Variants in SHANK2 observed in about 807,000 individuals in gnomAD.
SHANK2 encodes SH3 and multiple ankyrin repeat domains 2.
A neutral mutation model predicts 133.7 loss-of-function variants in SHANK2; 43 were observed. That is an observed-to-expected ratio of 0.32 (90% CI 0.25 to 0.41). The LOEUF is 0.41. Ranked by LOEUF, SHANK2 falls within the 10% of genes least tolerant of loss-of-function variation. The pLI is 1.00. For missense variants in SHANK2, 1,994 were observed against 2,235.8 expected, an observed-to-expected ratio of 0.89 and a Z score of 2.18; for synonymous variants, 1,017 against 952.8, an observed-to-expected ratio of 1.07 and a Z score of -1.24.
chr11:70,630,511 GTGTGACCTTCTTTGGAAGTAAGGT>G (rs2060970579), intron 17 of SHANK2, among the ~76,000 whole-genome samples: 2 of 152,228 alleles, frequency 1.3e-5, no homozygotes, highest in African/African-American at 4.8e-5. Flanking sequence ...GAACCTCAGA[GTGTGACCTTCTTTGGAAGTAAGGT>G]TGCTGGAGAT....
At chr11:70,870,303 C>G (rs1424735824) in intron 11 of SHANK2, among the ~76,000 whole-genome samples, 4 of 152,056 alleles carry the variant, frequency 2.6e-5, no homozygotes, top group Non-Finnish European at 4.4e-5. Flanking sequence ...GAGAGCCCAA[C>G]CAGTGGGGAG....
At chr11:71,065,127 G>A (rs893669612) in intron 9 of SHANK2, among the ~76,000 whole-genome samples, 4 of 152,174 alleles carry the variant, frequency 2.6e-5, no homozygotes, top group African/African-American at 7.2e-5. Flanking sequence ...CTGGGTTTGA[G>A]CAAGCAGGGG....
intron 4 of SHANK2, among the ~76,000 whole-genome samples, chr11:71,115,785 T>G (rs2135250901): frequency 6.6e-6 from 1 of 152,232 alleles, no homozygotes; most frequent in Admixed American, 6.5e-5. Flanking sequence ...TTCCTGCCGT[T>G]ATGGAAATGA....
intron 17 of SHANK2, among the ~76,000 whole-genome samples, chr11:70,598,235 G>A (rs532032998): frequency 6.6e-6 from 1 of 152,192 alleles, no homozygotes; most frequent in Admixed American, 6.5e-5. Flanking sequence ...TGACCTCAGG[G>A]CCACACAAGT....
intron 10 of SHANK2, among the ~76,000 whole-genome samples, chr11:70,947,646 G>A (rs1247545854): frequency 6.6e-6 from 1 of 152,162 alleles, no homozygotes; most frequent in Non-Finnish European, 1.5e-5. Flanking sequence ...GATTATAGGT[G>A]TGAGCCACTG....
chr11:70,473,534 A>G lies in SHANK2; in HGVS notation c.4980-95T>C, dbSNP rs2058624785. On this transcript the variant is annotated intron_variant, in intron 25 of 25. Transcript: ENST00000601538. The surrounding 1 kb of genome is among the most constrained non-coding windows in gnomAD (Gnocchi z 5.9). Reference sequence around the variant, plus strand: ...CCCAGGAAGGCGAGGGAGACGCCCAAACCATGCCAGAGTGTCTAGTGGCAG... The same window carrying G: ...CCCAGGAAGGCGAGGGAGACGCCCAGACCATGCCAGAGTGTCTAGTGGCAG... 1 of 1,244,260 alleles carries G rather than the reference A, an allele frequency of 8.0e-7. No individual in the cohort carries two copies. The highest frequency in any genetic ancestry group is 1.5e-5 in the African/African-American group (1 of 67,700). The allele number at this position is 1,244,260 out of a possible 1,614,324, so 77.1% of individuals were successfully genotyped here.
intron 3 of SHANK2, among the ~76,000 whole-genome samples, chr11:71,128,875 C>G (rs1952239263): frequency 6.6e-6 from 1 of 152,200 alleles, no homozygotes; most frequent in Non-Finnish European, 1.5e-5. Flanking sequence ...ACCTCCACCT[C>G]CTGGGTTCAA....
At chr11:71,143,779 G>A (rs1952597600) in intron 3 of SHANK2, among the ~76,000 whole-genome samples, 1 of 151,886 alleles carries the variant, frequency 6.6e-6, no homozygotes, top group South Asian at 2.1e-4. Flanking sequence ...CATACATAAA[G>A]TAAGATTCCG....
chr11:70,809,411 C>A (rs1555052739), intron 12 of SHANK2, among the ~76,000 whole-genome samples: 1 of 152,236 alleles, frequency 6.6e-6, no homozygotes, highest in Non-Finnish European at 1.5e-5. Flanking sequence ...TGACTACCCT[C>A]TTTTGGCATT....
chr11:70,718,628 G>A (rs1221352557), intron 14 of SHANK2, among the ~76,000 whole-genome samples: 4 of 151,972 alleles, frequency 2.6e-5, no homozygotes, highest in Non-Finnish European at 4.4e-5. Flanking sequence ...CAATCGGTAC[G>A]TCCCGTGAGA....
Position 70,671,394 on chromosome 11 carries a change from G to A in SHANK2, c.1854-9716C>T, listed in dbSNP as rs566452399. On this transcript the variant is annotated intron_variant, in intron 15 of 25. Coordinates refer to ENST00000601538, the MANE Select transcript of SHANK2 (RefSeq NM_012309.5). ...GCCAAGTTCCTCAACCTCGTCGAGC[G>A]CCAGTATCCTCACTTGACGACTACA... 1.2e-4 allele frequency among the ~76,000 whole-genome samples: 18 copies of A among 152,252 alleles called. No individual in the cohort carries two copies. In the South Asian group the frequency reaches 1.9e-3, roughly 16 times the overall value.
chr11:71,163,706 G>A (rs1274490422), intron 2 of SHANK2, among the ~76,000 whole-genome samples: 1 of 152,158 alleles, frequency 6.6e-6, no homozygotes, highest in East Asian at 1.9e-4. Context: ...GTTTGCTTGT[G>A]CAAAAAGGAG....
chr11:70,609,441 C>T (rs1247903056), intron 17 of SHANK2, among the ~76,000 whole-genome samples: 1 of 152,074 alleles, frequency 6.6e-6, no homozygotes, highest in Non-Finnish European at 1.5e-5. Flanking sequence ...AGTTAAACAC[C>T]CAACCACCAT....
rs2058826682 is a variant in SHANK2, at chr11:70,487,422, G to A, written c.2871C>T (p.Asp957=). 2 of 1,614,014 alleles carry A rather than the reference G, an allele frequency of 1.2e-6. No homozygotes were observed. The highest frequency in any genetic ancestry group is 1.3e-5 in the African/African-American group (1 of 74,914). Residue 957 remains aspartate, a synonymous_variant, in exon 25 of 26, where the codon GAC becomes GAT. Coordinates refer to ENST00000601538, the MANE Select transcript of SHANK2 (RefSeq NM_012309.5). The surrounding 1 kb of genome is among the most constrained non-coding windows in gnomAD (Gnocchi z 5.8). ...EKGMYFRREL[D]RYSLDSEDLY... ...GGTCTTCAGAGTCCAAGGAGTAGCG[G>A]TCCAGCTCTCTCCTGAAGTACATCC...
chr11:70,878,155 A>G (rs1949599382), intron 11 of SHANK2, among the ~76,000 whole-genome samples: 1 of 152,168 alleles, frequency 6.6e-6, no homozygotes, highest in East Asian at 1.9e-4. Flanking sequence ...TGAAGTCAGC[A>G]CTGCAGAAGG....
intron 17 of SHANK2, among the ~76,000 whole-genome samples, chr11:70,621,109 G>A (rs563727346): frequency 6.6e-5 from 10 of 152,288 alleles, no homozygotes; most frequent in Non-Finnish European, 1.0e-4. Flanking sequence ...CCAAGGCACC[G>A]GGATCGGGCA....
chr11:71,190,065 A>C (rs554458829), intron 2 of SHANK2, among the ~76,000 whole-genome samples: 1 of 152,326 alleles, frequency 6.6e-6, no homozygotes, highest in South Asian at 2.1e-4. Context: ...CAAGTCATCC[A>C]CACGTAGGTC....
chr11:70,769,976 T>A (rs1351555159), intron 14 of SHANK2, among the ~76,000 whole-genome samples: 2 of 152,202 alleles, frequency 1.3e-5, no homozygotes, highest in Non-Finnish European at 2.9e-5. Context: ...CTCCGCCATC[T>A]CCTACCCTAT....
intron 2 of SHANK2, among the ~76,000 whole-genome samples, chr11:71,167,957 T>A (rs1256330289): frequency 4.2e-5 from 6 of 143,122 alleles, no homozygotes; most frequent in African/African-American, 1.6e-4. Context: ...ACGAGGTGGC[T>A]GCCGGGCAGA....
Sources: gnomAD v4.1 joint callset for allele counts (sites outside exome capture counted in the v4.1 genomes callset) on GRCh38, gnomAD v4.1.1 for gene constraint, Gnocchi (gnomAD v3.1) non-coding constraint, MANE v1.5 for transcripts, NCBI Gene and HGNC (gene_info 2026-07-23, HGNC 2026-07-21) for gene names.